The following LMF1 variants were observed in gnomAD, a reference collection of about 807,000 sequenced individuals.
LMF1 encodes lipase maturation factor 1, also known as transmembrane protein 112.
LMF1 carries 68 observed loss-of-function variants against 60.6 expected under a neutral mutation model. The ratio of observed to expected loss-of-function variants is 1.12; its 90% CI spans 0.92 to 1.37. The LOEUF is 1.37. LMF1 is among the 40% of genes most tolerant of loss of function. LMF1 has a pLI of 0.00. For synonymous variants in LMF1, 418 were observed against 324.7 expected (o/e 1.29, Z -3.09); for missense variants, 948 against 767.2 (o/e 1.24, Z -2.78).
At chr16:906,930 G>A (rs1797685925) in intron 4 of LMF1, among the ~76,000 whole-genome samples, 1 of 152,178 alleles carries the variant, frequency 6.6e-6, no homozygotes, top group Non-Finnish European at 1.5e-5. Context: ...ACTGATTCAT[G>A]AACATGGTAT....
chr16:952,343 C>T (rs1019143996), intron 2 of LMF1, among the ~76,000 whole-genome samples: 2 of 152,036 alleles, frequency 1.3e-5, no homozygotes. Context: ...CCAGCTGCAG[C>T]CCTCCCTGCA....
chr16:929,730 C>T lies in LMF1; in HGVS notation c.514+4514G>A, dbSNP rs142741451. ...CCCTCAAAGCTCAGCTCTATCTAAA[C>T]TCCAGCAGAAACACAGACGGCAGAA... On this transcript the variant is annotated intron_variant, in intron 3 of 10. Coordinates refer to ENST00000262301, the MANE Select transcript of LMF1 (RefSeq NM_022773.4). Among the ~76,000 whole-genome samples, 314 of 152,388 alleles carry T rather than the reference C, an allele frequency of 2.1e-3. 3 individuals carry two copies. Among genetic ancestry groups the T allele is most frequent in the Middle Eastern group, 0.02 (6 of 294 alleles).
chr16:857,431 G>C (rs2069223790), intron 10 of LMF1, among the ~76,000 whole-genome samples: 1 of 150,934 alleles, frequency 6.6e-6, no homozygotes, highest in Non-Finnish European at 1.5e-5. Flanking sequence ...TGGGTGTGCA[G>C]TGGTGTCACG....
intron 5 of LMF1, chr16:883,844 G>C (rs2070232079): frequency 6.6e-6 from 1 of 152,158 alleles, no homozygotes; most frequent in Non-Finnish European, 1.5e-5. Flanking sequence ...ATTGTAGTTT[G>C]ATTGACAAAT....
At position 879,721 on chromosome 16, in the gene LMF1, T is replaced by G. The variant is rs766214202; in HGVS notation, c.746A>C (p.Asn249Thr). 1 of 1,592,456 alleles carries G rather than the reference T, an allele frequency of 6.3e-7. No individual in the cohort carries two copies. The highest frequency in any genetic ancestry group is 2.3e-5 in the East Asian group (1 of 43,870). The change falls in exon 6 of 11, where the codon AAT becomes ACT. Residue 249 changes from asparagine to threonine, a missense_variant. Coordinates refer to ENST00000262301, the MANE Select transcript of LMF1 (RefSeq NM_022773.4). ...GTGGTGCAGGTAGTACGCCACAGGA[T>G]TGGGCATCGGCTGGGTCTGCAGGGA... is the stretch of plus-strand genomic sequence containing the variant. The part of the protein sequence containing the change: ...DFHYETQPMP[N>T]PVAYYLHHSP...
Position 878,564 on chromosome 16 carries a change from C to T in LMF1, c.897+1006G>A, listed in dbSNP as rs1433314009. Among the ~76,000 whole-genome samples, 1 of 152,230 alleles carries T rather than the reference C, an allele frequency of 6.6e-6. No homozygotes were observed. The highest frequency in any genetic ancestry group is 1.5e-5 in the Non-Finnish European group (1 of 68,044). The stretch of plus-strand genomic sequence containing the variant: ...AGGCTGTGGTGAAAACCAGAAACTA[C>T]CACACGTGCACAGACGGGACGGGTG... On this transcript the variant is annotated intron_variant, in intron 6 of 10. Coordinates refer to ENST00000262301, the MANE Select transcript of LMF1 (RefSeq NM_022773.4). The surrounding 1 kb of genome is among the most constrained non-coding windows in gnomAD (Gnocchi z 5.2).
chr16:869,004 C>A lies in LMF1; in HGVS notation c.1469G>T (p.Ser490Ile). 7 of 1,612,658 alleles carry A rather than the reference C, an allele frequency of 4.3e-6. No individual in the cohort carries two copies. The highest frequency in any genetic ancestry group is 5.9e-6 in the Non-Finnish European group (7 of 1,179,782). The change falls in exon 10 of 11, where the codon AGC becomes ATC. Residue 490 changes from serine (S) to isoleucine (I), a missense_variant. Coordinates refer to ENST00000262301, the MANE Select transcript of LMF1 (RefSeq NM_022773.4). ...CAGCAGGGACAAGGCCTCGGCGTCGCTGGCCAGGAGCTTGCCAGCCAGGTG... is the reference window on the plus strand; with the variant it reads ...CAGCAGGGACAAGGCCTCGGCGTCGATGGCCAGGAGCTTGCCAGCCAGGTG... ...IIHLAGKLLA[S>I]DAEALSLLAH...
chr16:967,466 G>A (rs879493127), intron 1 of LMF1, among the ~76,000 whole-genome samples: 2 of 152,222 alleles, frequency 1.3e-5, no homozygotes, highest in Non-Finnish European at 2.9e-5. Flanking sequence ...ACAGACAGCA[G>A]CAGGCCTGAC....
At chr16:909,957 G>T (rs566695870) in intron 4 of LMF1, among the ~76,000 whole-genome samples, 2 of 152,212 alleles carry the variant, frequency 1.3e-5, no homozygotes, top group Admixed American at 1.3e-4. Context: ...CTCTTCGTAC[G>T]TCTTCAGCGA....
At chr16:971,009 C>A, upstream of LMF1, 1 of 620,458 alleles carries the variant, frequency 1.6e-6, no homozygotes. Flanking sequence ...CCCGGAGGCC[C>A]CGCCCATTCT....
In LMF1 at chr16:951,901, C is replaced by T. The variant is rs114733026; in HGVS notation, c.503+2456G>A. ...AGACAGCTCATGTGAACGTGATGTG[C>T]GGGGGAGGTGCGTCACAGGGCCTGG... On this transcript the variant is annotated intron_variant, in intron 2 of 10. Transcript: ENST00000262301. Among the ~76,000 whole-genome samples the T allele has an allele frequency of 6.9e-3, 1,056 of 152,324 alleles. 15 individuals carry two copies. Among genetic ancestry groups the T allele is most frequent in the African/African-American group, 0.024 (1,006 of 41,572 alleles).
chr16:976,398 G>A (rs1978480), intron 1 of LMF1: 219,981 of 453,844 alleles, frequency 0.48, 56,317 homozygotes, highest in African/African-American at 0.76. Context: ...CGGCACAGCT[G>A]TACTGCAGGG....
At position 954,023 on chromosome 16, in the gene LMF1, C is replaced by G. The variant is rs753007239; in HGVS notation, c.503+334G>C. Among the ~76,000 whole-genome samples the G allele has an allele frequency of 1.0e-3, 92 of 88,374 alleles. 12 individuals are homozygous for G. The highest frequency in any genetic ancestry group is 7.4e-3 in the Middle Eastern group (1 of 136). 58.0% of individuals were successfully genotyped at this position (88,374 alleles called of 152,430 possible). A position where few individuals can be genotyped will look rare whatever the true frequency, so the allele number is the denominator to read the frequency against. On this transcript the variant is annotated intron_variant, in intron 2 of 10. Coordinates refer to ENST00000262301, the MANE Select transcript of LMF1 (RefSeq NM_022773.4). ...GCCTCCTACACGTCCACACAGACACCCACCCCAAACCAGCCTCCTACACGT... is the reference window on the plus strand; with the variant it reads ...GCCTCCTACACGTCCACACAGACACGCACCCCAAACCAGCCTCCTACACGT...
intron 10 of LMF1, among the ~76,000 whole-genome samples, chr16:862,053 G>C (rs2069481689): frequency 6.6e-6 from 1 of 152,204 alleles, no homozygotes; most frequent in South Asian, 2.1e-4. Flanking sequence ...ATCTTCGGTA[G>C]CTGGTAACGT....
intron 3 of LMF1, chr16:933,495 C>A (rs755152880): frequency 1.9e-5 from 3 of 162,082 alleles, no homozygotes; most frequent in African/African-American, 7.2e-5. Flanking sequence ...CACCCCTGCT[C>A]TCCTGGGAAA....
chr16:881,378 C>G (rs376288873), intron 5 of LMF1: 1 of 152,392 alleles, frequency 6.6e-6, no homozygotes, highest in Non-Finnish European at 1.5e-5. Context: ...GTGGCAGTGT[C>G]GCATGCTGCA....
At chr16:865,116 GT>G (rs1338000196) in intron 10 of LMF1, among the ~76,000 whole-genome samples, 2 of 152,262 alleles carry the variant, frequency 1.3e-5, no homozygotes, top group Admixed American at 1.3e-4. Context: ...AGTATAGGTT[GT>G]TTTTTACTGG....
intron 2 of LMF1, among the ~76,000 whole-genome samples, chr16:948,728 T>G (rs71382302): frequency 1.5e-5 from 1 of 66,488 alleles, no homozygotes; most frequent in Non-Finnish European, 2.7e-5. Flanking sequence ...AGTCAGCCAA[T>G]GACAGAGTCA....
chr16:973,108 C>A (rs1002820485), upstream of LMF1, among the ~76,000 whole-genome samples: 1 of 152,040 alleles, frequency 6.6e-6, no homozygotes, highest in East Asian at 1.9e-4. Context: ...TTTGGGAGGC[C>A]GAGGCAGGTG....
Sources: allele counts gnomAD v4.1 joint callset (sites outside exome capture counted in the v4.1 genomes callset), GRCh38; gene constraint gnomAD v4.1.1; non-coding constraint Gnocchi (gnomAD v3.1); transcripts MANE v1.5; gene names NCBI Gene and HGNC (gene_info 2026-07-23, HGNC 2026-07-21).